Variants in RYR3 observed in about 807,000 individuals in gnomAD.
RYR3 encodes the protein brain ryanodine receptor-calcium release channel.
Under a neutral mutation model 584.3 loss-of-function variants are expected in RYR3, and 207 were observed. The ratio of observed to expected loss-of-function variants is 0.35; its 90% CI spans 0.32 to 0.40. RYR3 has a LOEUF of 0.40. Among genes scored for constraint, RYR3 ranks in the 10% least tolerant of loss-of-function variants. The pLI is 1.00. For synonymous variants in RYR3, 2,416 were observed against 2,248.5 expected (o/e 1.07, Z -2.11); for missense variants, 5,616 against 6,089.2 (o/e 0.92, Z 2.59).
intron 16 of RYR3, among the ~76,000 whole-genome samples, chr15:33,590,417 A>T (rs902094537): frequency 3.3e-5 from 5 of 151,928 alleles, no homozygotes; most frequent in African/African-American, 1.2e-4. Context: ...GAATTTTAGG[A>T]TTGTTTTTTC....
rs144775448 is a variant in RYR3 at position 33,566,609 on chromosome 15, G to A, written c.1147-69G>A. On this transcript the variant is annotated intron_variant, in intron 11 of 103. Coordinates refer to ENST00000634891, the MANE Select transcript of RYR3 (RefSeq NM_001036.6). ...ATAAGAGGGATGAGGGCAATACTGC[G>A]GGAAATGTTGACTGCCCATATGTGG... 3.5e-4 allele frequency: 540 copies of A among 1,534,594 alleles called. 2 individuals carry two copies. In the African/African-American group the frequency reaches 6.3e-3, roughly 18 times the overall value.
intron 42 of RYR3, among the ~76,000 whole-genome samples, chr15:33,703,372 T>G (rs1310947942): frequency 6.6e-6 from 1 of 152,026 alleles, no homozygotes; most frequent in Non-Finnish European, 1.5e-5. Context: ...AAATTTATTT[T>G]CTCACAGTTC....
In RYR3 at chr15:33,498,188, A is replaced by G. The variant is rs117995115; in HGVS notation, c.172-5443A>G. 6.7e-3 allele frequency among the ~76,000 whole-genome samples: 1,014 copies of G among 152,270 alleles called. 6 individuals are homozygous for G. The highest frequency in any genetic ancestry group is 0.011 in the Non-Finnish European group (724 of 68,014). ...GCATGGGAGTGCAGATATCTCTTCA[A>G]TATACTGATTTCATTTTCTGTTCAG... On this transcript the variant is annotated intron_variant, in intron 2 of 103. Coordinates refer to ENST00000634891, the MANE Select transcript of RYR3 (RefSeq NM_001036.6).
intron 49 of RYR3, 64 bp downstream of exon 49, chr15:33,736,389 G>A (rs1392505819): frequency 2.8e-6 from 3 of 1,087,096 alleles, no homozygotes; most frequent in Non-Finnish European, 4.1e-6. Flanking sequence ...TGTAATATGT[G>A]ATGTCTTCAC....
At position 33,757,539 on chromosome 15, in the gene RYR3, T is replaced by C; in HGVS notation, c.8648T>C (p.Leu2883Pro). ...SHCLYFLSSP[L>P]KPLSSSGYAS... ...TGCCTCTACTTCTTGTCATCCCCTC[T>C]GAAGCCCCTTAGCAGCAGCGGATAT... The change falls in exon 60 of 104, where the codon CTG becomes CCG. Residue 2883 changes from leucine to proline, a missense_variant. This residue lies in a region of RYR3 where 1,280 missense variants were observed against 1,426.2 expected (regional missense o/e 0.90). Coordinates refer to ENST00000634891, the MANE Select transcript of RYR3 (RefSeq NM_001036.6). 1 of 1,611,550 alleles carries C rather than the reference T, an allele frequency of 6.2e-7. No individual in the cohort carries two copies.
At chr15:33,801,777 G>C (rs906360681) in intron 68 of RYR3, 92 bp from the exon 69 acceptor site, 1 of 672,660 alleles carries the variant, frequency 1.5e-6, no homozygotes, top group Admixed American at 2.6e-5. Context: ...TGAGAGGAGG[G>C]GTCTATTCCG....
chr15:33,432,591 TTC>T (rs896328327), intron 1 of RYR3, among the ~76,000 whole-genome samples: 208 of 150,992 alleles, frequency 1.4e-3, no homozygotes, highest in African/African-American at 4.7e-3. Context: ...GTGAAGATTT[TTC>T]TTTTTTTCTT....
At chr15:33,814,404 C>G (rs1037216035) in intron 74 of RYR3, among the ~76,000 whole-genome samples, 5 of 152,228 alleles carry the variant, frequency 3.3e-5, no homozygotes, top group Non-Finnish European at 7.3e-5. Flanking sequence ...GGAAATTAAA[C>G]TGACTTAGAC....
chr15:33,840,724 C>T (rs2078306279), intron 89 of RYR3, 101 bp from the exon 90 acceptor site: 2 of 971,092 alleles, frequency 2.1e-6, no homozygotes, highest in Non-Finnish European at 3.2e-6. Flanking sequence ...CATGAAAAGC[C>T]ATTGAAATTT....
chr15:33,468,488 A>G (rs1253439513), intron 1 of RYR3, among the ~76,000 whole-genome samples: 1 of 152,190 alleles, frequency 6.6e-6, no homozygotes, highest in African/African-American at 2.4e-5. Context: ...TTTAAATGCC[A>G]GCATCTGTTC....
At chr15:33,779,643 G>T (rs1864472486) in intron 64 of RYR3, among the ~76,000 whole-genome samples, 1 of 152,116 alleles carries the variant, frequency 6.6e-6, no homozygotes, top group South Asian at 2.1e-4. Context: ...AGCAGAACTT[G>T]CTCTCACACA....
At chr15:33,796,312 T>G (rs551971311) in intron 67 of RYR3, among the ~76,000 whole-genome samples, 1 of 152,280 alleles carries the variant, frequency 6.6e-6, no homozygotes, top group Non-Finnish European at 1.5e-5. Flanking sequence ...TTTTGTATTT[T>G]TAGTAGAGAC....
chr15:33,684,133 G>A (rs1454569057), intron 38 of RYR3, among the ~76,000 whole-genome samples: 1 of 152,350 alleles, frequency 6.6e-6, no homozygotes, highest in Non-Finnish European at 1.5e-5. Flanking sequence ...AGAGAGCAGT[G>A]GTTCTCCCAG....
chr15:33,554,291 CTT>C (rs71117147), intron 10 of RYR3, among the ~76,000 whole-genome samples: 14 of 126,510 alleles, frequency 1.1e-4, no homozygotes, highest in African/African-American at 3.0e-4. Flanking sequence ...CCTCCATTAT[CTT>C]TTTTTTTTTT....
At chr15:33,364,404 C>G (rs903443254) in intron 1 of RYR3, among the ~76,000 whole-genome samples, 1 of 152,180 alleles carries the variant, frequency 6.6e-6, no homozygotes, top group Admixed American at 6.5e-5. Flanking sequence ...GCAGCATGCA[C>G]ACCTCATGAG....
intron 32 of RYR3, among the ~76,000 whole-genome samples, chr15:33,654,309 G>A (rs965624965): frequency 6.6e-6 from 1 of 152,088 alleles, no homozygotes. Context: ...GAGCTCAGGA[G>A]TTCGAGACCA....
At chr15:33,484,995 TAA>T (rs889782415) in intron 2 of RYR3, among the ~76,000 whole-genome samples, 1 of 152,082 alleles carries the variant, frequency 6.6e-6, no homozygotes, top group East Asian at 1.9e-4. Flanking sequence ...AAATGTTTAT[TAA>T]AAAGAGAGGA....
intron 38 of RYR3, among the ~76,000 whole-genome samples, chr15:33,692,459 A>G (rs2065500638): frequency 6.6e-6 from 1 of 151,886 alleles, no homozygotes; most frequent in African/African-American, 2.4e-5. Flanking sequence ...ATTTCTTTTC[A>G]TAGTTATTGT....
At chr15:33,472,048 A>G (rs2048977014) in intron 1 of RYR3, among the ~76,000 whole-genome samples, 1 of 152,218 alleles carries the variant, frequency 6.6e-6, no homozygotes, top group Non-Finnish European at 1.5e-5. Context: ...TTCAGTCTCA[A>G]TTAAAATGAA....
Sources: gnomAD v4.1 joint callset for allele counts (sites outside exome capture counted in the v4.1 genomes callset) on GRCh38, gnomAD v4.1.1 for gene constraint, gnomAD v4.1.1 regional missense constraint, MANE v1.5 for transcripts, NCBI Gene and HGNC (gene_info 2026-07-23, HGNC 2026-07-21) for gene names.